The following NUP214 variants were observed in gnomAD, a reference collection of about 807,000 sequenced individuals.
NUP214 encodes the protein nucleoporin 214.
Under a neutral mutation model 196.2 loss-of-function variants are expected in NUP214, and 79 were observed. That is an observed-to-expected ratio of 0.40 (90% CI 0.34 to 0.49). The LOEUF (loss-of-function observed/expected upper bound fraction) is 0.49, where lower values mean the gene tolerates loss of function less well. NUP214 is among the 20% of genes least tolerant of loss of function. The probability of loss-of-function intolerance (pLI) is 0.58; values close to 1 mark genes in which losing one functional copy is unlikely to be tolerated. For missense variants in NUP214, 2,468 were observed against 2,539.0 expected, an observed-to-expected ratio of 0.97 and a Z score of 0.60; for synonymous variants, 1,020 against 990.5, an observed-to-expected ratio of 1.03 and a Z score of -0.56.
intron 18 of NUP214, among the ~76,000 whole-genome samples, chr9:131,160,638 A>G (rs1484119249): frequency 6.6e-6 from 1 of 152,194 alleles, no homozygotes; most frequent in Non-Finnish European, 1.5e-5. Flanking sequence ...CAAACCAAGA[A>G]ATGGTCTATT....
intron 31 of NUP214, among the ~76,000 whole-genome samples, chr9:131,215,863 C>A (rs553512651): frequency 6.7e-6 from 1 of 150,112 alleles, no homozygotes; most frequent in African/African-American, 2.4e-5. Flanking sequence ...TTATTTTCAT[C>A]TGAAGCTGTA....
At chr9:131,222,466 CA>C (rs1834589104) in intron 31 of NUP214, 1 of 227,496 alleles carries the variant, frequency 4.4e-6, no homozygotes, top group East Asian at 9.4e-5. Flanking sequence ...TTGACACTTG[CA>C]GGAGCACCCA....
intron 33 of NUP214, 97 bp from the exon 34 acceptor site, chr9:131,230,533 C>T (rs1027086608): frequency 8.5e-6 from 12 of 1,416,874 alleles, no homozygotes; most frequent in African/African-American, 8.4e-5. Context: ...TCATGAGTGT[C>T]GTGTGTATTG....
At chr9:131,233,158 T>C (rs1010278823) in intron 35 of NUP214, 14 of 163,204 alleles carry the variant, frequency 8.6e-5, no homozygotes, top group Non-Finnish European at 1.2e-4. Flanking sequence ...TAAAAATATA[T>C]ATATATACAT....
In NUP214 at chr9:131,184,026, C is replaced by CTTTTTTTTTTTTTTTTTTTTTTTTTTT. The variant is rs776765956; in HGVS notation, c.3420-3241_3420-3240insTTTTTTTTTTTTTTTTTTTTTTTTTTT. Among the ~76,000 whole-genome samples the CTTTTTTTTTTTTTTTTTTTTTTTTTTT allele has an allele frequency of 4.8e-5, 5 of 104,362 alleles. 1 individual carries two copies. The highest frequency in any genetic ancestry group is 9.7e-5 in the Non-Finnish European group (5 of 51,494). The allele number at this position is 104,362 out of a possible 152,430, so 68.5% of individuals were successfully genotyped here. A position where few individuals can be genotyped will look rare whatever the true frequency, so the allele number is the denominator to read the frequency against. On this transcript the variant is annotated intron_variant, in intron 24 of 35. Transcript: ENST00000359428. ...TCTTTTCTTTTTCTTTTTTCTTTTT[C>CTTTTTTTTTTTTTTTTTTTTTTTTTTT]TTTTTTTTTTTTTTTTTTTTTTGAG...
intron 23 of NUP214, chr9:131,175,927 C>T: frequency 3.5e-6 from 1 of 282,314 alleles, no homozygotes; most frequent in Non-Finnish European, 6.6e-6. Context: ...TGCTTAGAGC[C>T]CTAAAATTAT....
intron 21 of NUP214, among the ~76,000 whole-genome samples, chr9:131,165,474 T>C (rs1439383931): frequency 6.6e-6 from 1 of 152,196 alleles, no homozygotes; most frequent in Non-Finnish European, 1.5e-5. Flanking sequence ...ACAAAATAAA[T>C]GCTGGTGGTG....
At chr9:131,192,578 T>A (rs2131033201) in intron 27 of NUP214, 1 of 231,338 alleles carries the variant, frequency 4.3e-6, no homozygotes, top group East Asian at 1.0e-4. Flanking sequence ...ATTCTGTAGT[T>A]CATCTAGTTT....
rs1214153120 is a variant in NUP214, at chr9:131,125,648, C to T, written c.-57C>T. On this transcript the variant is annotated 5_prime_UTR_variant, in exon 1 of 36. Coordinates refer to ENST00000359428, the MANE Select transcript of NUP214 (RefSeq NM_005085.4). The surrounding 1 kb of genome is among the most constrained non-coding windows in gnomAD (Gnocchi z 4.1). ...GTTTGCTGTCGAGCGGCCTGGGTTC[C>T]GTGGGCAAGGCCGTGGGAGGCAGCG... 2 of 1,542,960 alleles carry T rather than the reference C, an allele frequency of 1.3e-6. No homozygotes were observed. Among genetic ancestry groups the T allele is most frequent in the East Asian group, 2.5e-5 (1 of 39,786 alleles).
rs182619811 is a variant in NUP214, at chr9:131,202,116, A to G, written c.5592+399A>G. 4.2e-3 allele frequency among the ~76,000 whole-genome samples: 638 copies of G among 152,220 alleles called. 5 individuals are homozygous for G. Among genetic ancestry groups the G allele is most frequent in the African/African-American group, 0.015 (608 of 41,536 alleles). On this transcript the variant is annotated intron_variant, in intron 30 of 35. Coordinates refer to ENST00000359428, the MANE Select transcript of NUP214 (RefSeq NM_005085.4). ...GTAGTTTGGATTGTAGGCATGCACC[A>G]TAACACTCAACTAATTTTTTATTTT...
intron 24 of NUP214, among the ~76,000 whole-genome samples, chr9:131,186,582 C>T (rs535687906): frequency 2.6e-5 from 4 of 152,248 alleles, no homozygotes; most frequent in African/African-American, 9.6e-5. Flanking sequence ...AAAAAATTGC[C>T]GCTAGGAGCC....
At chr9:131,208,210 A>G (rs765331751) in intron 30 of NUP214, among the ~76,000 whole-genome samples, 9 of 152,262 alleles carry the variant, frequency 5.9e-5, no homozygotes, top group East Asian at 5.8e-4. Flanking sequence ...TGACCCAGCA[A>G]TTCTGCTCTG....
intron 27 of NUP214, 82 bp downstream of exon 27, chr9:131,192,374 C>G: frequency 2.4e-6 from 2 of 845,476 alleles, no homozygotes; most frequent in Non-Finnish European, 3.8e-6. Context: ...TATTTATTTA[C>G]TTATTAAATG....
Position 131,197,237 on chromosome 9 carries a change from A to G in NUP214, c.3743A>G (p.Glu1248Gly). ...AAQGATPSTK[E>G]SSQPDAFSSG... is the part of the protein sequence containing the mutation. The stretch of plus-strand genomic sequence containing the variant: ...CTAGGGGCAACACCCTCCACTAAAG[A>G]GTCAAGCCAGCCGGACGCATTCTCA... The change falls in exon 29 of 36, where the codon GAG (glutamate) becomes GGG (glycine). Residue 1248 changes from glutamate (E) to glycine (G), a missense_variant. Transcript: ENST00000359428. 1 of 1,614,166 alleles carries G rather than the reference A, an allele frequency of 6.2e-7. No individual in the cohort carries two copies. The highest frequency in any genetic ancestry group is 8.5e-7 in the Non-Finnish European group (1 of 1,180,012).
chr9:131,210,644 C>T (rs538871873), intron 30 of NUP214, among the ~76,000 whole-genome samples: 1 of 150,442 alleles, frequency 6.6e-6, no homozygotes, highest in African/African-American at 2.5e-5. Flanking sequence ...AAAACAAAAA[C>T]GCAAGTCGTT....
intron 30 of NUP214, among the ~76,000 whole-genome samples, chr9:131,202,084 C>A (rs1297453800): frequency 6.6e-6 from 1 of 151,926 alleles, no homozygotes; most frequent in African/African-American, 2.4e-5. Flanking sequence ...CTGCCTCAGC[C>A]TCCCCAGTAG....
intron 13 of NUP214, 154 bp from the exon 14 acceptor site, chr9:131,147,336 A>G (rs1242500760): frequency 1.6e-6 from 1 of 622,992 alleles, no homozygotes; most frequent in African/African-American, 1.8e-5. Context: ...AGAGGCTAGC[A>G]CAACTGGTGG....
At chr9:131,163,230 G>A in intron 19 of NUP214, 57 bp downstream of exon 19, 2 of 1,538,072 alleles carry the variant, frequency 1.3e-6, no homozygotes, top group Admixed American at 2.0e-5. Flanking sequence ...GAACATTTAG[G>A]GAGTCTTAGA....
intron 32 of NUP214, among the ~76,000 whole-genome samples, chr9:131,226,235 A>G (rs1397463784): frequency 6.6e-6 from 1 of 152,166 alleles, no homozygotes; most frequent in East Asian, 1.9e-4. Context: ...TAAATCAGAA[A>G]GTTTATCATC....
Sources: gnomAD v4.1 joint callset for allele counts (sites outside exome capture counted in the v4.1 genomes callset) on GRCh38, gnomAD v4.1.1 for gene constraint, Gnocchi (gnomAD v3.1) non-coding constraint, MANE v1.5 for transcripts, NCBI Gene and HGNC (gene_info 2026-07-23, HGNC 2026-07-21) for gene names.